The following ELMO1 variants were observed in gnomAD, a reference collection of about 807,000 sequenced individuals.
The protein encoded by ELMO1 is engulfment and cell motility protein 1.
A neutral mutation model predicts 98.9 loss-of-function variants in ELMO1; 26 were observed. The observed-to-expected ratio is 0.26, with a 90% CI of 0.19 to 0.36. The LOEUF (loss-of-function observed/expected upper bound fraction) is 0.36, where lower values mean the gene tolerates loss of function less well. ELMO1 is among the 10% of genes least tolerant of loss of function. ELMO1 has a pLI of 1.00. For synonymous variants in ELMO1, 346 were observed against 346.0 expected (o/e 1.00, Z 0.00); for missense variants, 627 against 935.2 (o/e 0.67, Z 4.30).
At chr7:37,228,441 A>G (rs1273662415) in intron 8 of ELMO1, among the ~76,000 whole-genome samples, 5 of 152,176 alleles carry the variant, frequency 3.3e-5, no homozygotes. Context: ...GACACAAGTG[A>G]GCCAACCCAA....
chr7:37,135,390 A>G (rs942867011), intron 13 of ELMO1, among the ~76,000 whole-genome samples: 1 of 152,210 alleles, frequency 6.6e-6, no homozygotes, highest in African/African-American at 2.4e-5. Context: ...GACCCTTTGA[A>G]GGAACTGGAT....
chr7:37,016,739 T>C (rs778867197), intron 15 of ELMO1, among the ~76,000 whole-genome samples: 2 of 152,186 alleles, frequency 1.3e-5, no homozygotes, highest in Non-Finnish European at 2.9e-5. Flanking sequence ...TAGTCACTTA[T>C]TATGTCAGGC....
At chr7:36,879,664 G>A (rs774270948) in intron 18 of ELMO1, among the ~76,000 whole-genome samples, 4 of 152,278 alleles carry the variant, frequency 2.6e-5, no homozygotes, top group Middle Eastern at 6.8e-3. Flanking sequence ...TTTAAATAGA[G>A]TTTGAGAATT....
chr7:37,288,650 C>T (rs899620207), intron 4 of ELMO1, among the ~76,000 whole-genome samples: 7 of 152,272 alleles, frequency 4.6e-5, no homozygotes, highest in African/African-American at 1.2e-4. Context: ...AACCACATTG[C>T]GAAGATGGAG....
chr7:37,186,867 C>T (rs1480216661), intron 13 of ELMO1, among the ~76,000 whole-genome samples: 4 of 152,148 alleles, frequency 2.6e-5, no homozygotes, highest in Admixed American at 2.6e-4. Context: ...TGAGCATATA[C>T]ATTGGTGCAA....
At chr7:37,299,288 G>C (rs1400780929) in intron 4 of ELMO1, among the ~76,000 whole-genome samples, 1 of 151,762 alleles carries the variant, frequency 6.6e-6, no homozygotes, top group Admixed American at 6.6e-5. Context: ...TTCTTTTGCT[G>C]TGCAGAAGCT....
chr7:37,031,054 ATATAT>A (rs1430576714), intron 15 of ELMO1, among the ~76,000 whole-genome samples: 7 of 152,114 alleles, frequency 4.6e-5, no homozygotes, highest in South Asian at 2.1e-4. Flanking sequence ...CATCTCACAA[ATATAT>A]TATATTTACT....
intron 16 of ELMO1, among the ~76,000 whole-genome samples, chr7:36,924,678 C>T (rs936774152): frequency 5.9e-5 from 9 of 151,972 alleles, no homozygotes; most frequent in African/African-American, 1.2e-4. Flanking sequence ...AAACTTATTA[C>T]GTTATAGGGG....
intron 15 of ELMO1, among the ~76,000 whole-genome samples, chr7:37,033,595 A>G (rs78732952): frequency 0.018 from 2,698 of 152,238 alleles, 86 homozygotes; most frequent in African/African-American, 0.062. Flanking sequence ...GAGTAGGGCT[A>G]CAAGGGTCCC....
chr7:37,354,752 G>C (rs1388669018), intron 1 of ELMO1, among the ~76,000 whole-genome samples: 2 of 152,182 alleles, frequency 1.3e-5, no homozygotes, highest in African/African-American at 2.4e-5. Context: ...GGCAAGGCTC[G>C]AGCCCAGTTC....
At chr7:37,355,582 A>G (rs1801463510) in intron 1 of ELMO1, among the ~76,000 whole-genome samples, 1 of 152,256 alleles carries the variant, frequency 6.6e-6, no homozygotes, top group Non-Finnish European at 1.5e-5. Context: ...GATTGTGTTG[A>G]CAGAAATCGG....
At chr7:36,933,952 T>C (rs1464757707) in intron 16 of ELMO1, among the ~76,000 whole-genome samples, 1 of 152,148 alleles carries the variant, frequency 6.6e-6, no homozygotes, top group Non-Finnish European at 1.5e-5. Context: ...CGCTAAGCCT[T>C]TTTTGTTTTG....
At chr7:37,163,409 T>A (rs902891888) in intron 13 of ELMO1, among the ~76,000 whole-genome samples, 1 of 152,000 alleles carries the variant, frequency 6.6e-6, no homozygotes, top group African/African-American at 2.4e-5. Context: ...TAGTTACATA[T>A]GTATACATGT....
chr7:36,863,028 T>C (rs1392681975), intron 20 of ELMO1, among the ~76,000 whole-genome samples: 1 of 152,212 alleles, frequency 6.6e-6, no homozygotes, highest in African/African-American at 2.4e-5. Context: ...GTCCATCATC[T>C]AACTATTTCT....
intron 1 of ELMO1, among the ~76,000 whole-genome samples, chr7:37,422,521 C>T (rs750025139): frequency 3.4e-4 from 51 of 152,116 alleles, no homozygotes; most frequent in Non-Finnish European, 6.8e-4. Flanking sequence ...TTCAGCTATT[C>T]GCAGGAATAT....
At chr7:36,952,126 G>T (rs1377161936) in intron 16 of ELMO1, among the ~76,000 whole-genome samples, 2 of 152,170 alleles carry the variant, frequency 1.3e-5, no homozygotes, top group Non-Finnish European at 2.9e-5. Flanking sequence ...CCCATGCCAG[G>T]GAGGTGTTCA....
chr7:36,938,839 G>A (rs189283546), intron 16 of ELMO1, among the ~76,000 whole-genome samples: 14 of 152,178 alleles, frequency 9.2e-5, no homozygotes, highest in East Asian at 7.7e-4. Flanking sequence ...GTTCAGTGAC[G>A]TCAATTTTCA....
rs1789161517 is a variant in ELMO1, at chr7:37,160,948, G to T, written c.1087-27714C>A. ...GGTTCCAATGCAAGCTTCAATATCA[G>T]TTGATACTCTTAGAAGGAAAGTTCA... is the stretch of plus-strand genomic sequence containing the variant. On this transcript the variant is annotated intron_variant, in intron 13 of 21. Transcript: ENST00000310758. Among the ~76,000 whole-genome samples the T allele has an allele frequency of 2.0e-5, 3 of 152,098 alleles. No individual in the cohort carries two copies. In the South Asian group the frequency reaches 6.2e-4, roughly 32 times the overall value.
chr7:37,204,641 C>T (rs150985800), intron 13 of ELMO1, among the ~76,000 whole-genome samples: 126 of 152,284 alleles, frequency 8.3e-4, no homozygotes, highest in Non-Finnish European at 1.3e-3. Flanking sequence ...TTGGCCCCGC[C>T]CATATCCTGC....
Sources: allele counts gnomAD v4.1 joint callset (sites outside exome capture counted in the v4.1 genomes callset), GRCh38; gene constraint gnomAD v4.1.1; transcripts MANE v1.5; gene names NCBI Gene and HGNC (gene_info 2026-07-23, HGNC 2026-07-21).